CHD1L: variants seen among roughly 807,000 people sequenced by gnomAD.
The protein encoded by CHD1L is ATP-dependent chromatin remodeler CHD1L.
A neutral mutation model predicts 115.9 loss-of-function variants in CHD1L; 118 were observed. The observed-to-expected ratio is 1.02, with a 90% CI of 0.88 to 1.19. The LOEUF is 1.19. CHD1L is among the 50% of genes most tolerant of loss of function. The pLI, the probability that CHD1L is intolerant of heterozygous loss-of-function variation, is 0.00. For synonymous variants in CHD1L, 411 were observed against 387.1 expected (o/e 1.06, Z -0.72); for missense variants, 1,179 against 1,065.3 (o/e 1.11, Z -1.49).
chr1:147,278,114 C>T (rs1553959234), intron 14 of CHD1L, among the ~76,000 whole-genome samples: 1 of 152,068 alleles, frequency 6.6e-6, no homozygotes, highest in Non-Finnish European at 1.5e-5. Flanking sequence ...TTATCTCTTC[C>T]CCATGCAGAT....
chr1:147,190,367 A>G, the CHD1L span: 9 of 631,694 alleles, frequency 1.4e-5, no homozygotes, highest in Non-Finnish European at 2.2e-5. Flanking sequence ...TCCTGTACTC[A>G]AGGAGGTTAC....
chr1:147,220,924 T>C, the CHD1L span, among the ~76,000 whole-genome samples: 1 of 116,670 alleles, frequency 8.6e-6, no homozygotes, highest in Non-Finnish European at 1.7e-5. Context: ...TATAATAACA[T>C]AAAATGAGTT....
At chr1:147,288,507 C>T (rs887941769) in intron 19 of CHD1L, among the ~76,000 whole-genome samples, 5 of 151,692 alleles carry the variant, frequency 3.3e-5, no homozygotes, top group African/African-American at 4.8e-5. Context: ...ATGGCAAAGC[C>T]CTGTCTCTAC....
At chr1:147,188,038 A>T in the CHD1L span, among the ~76,000 whole-genome samples, 1 of 152,194 alleles carries the variant, frequency 6.6e-6, no homozygotes, top group African/African-American at 2.4e-5. Context: ...AATTTGAGGT[A>T]GAACTGGTGA....
In CHD1L at chr1:147,286,481, T is replaced by G; in HGVS notation, c.2202T>G (p.Ala734=). The change falls in exon 18 of 23, where the codon GCT becomes GCG. Residue 734 remains alanine, a synonymous_variant. Transcript: ENST00000369258. The part of the protein sequence containing the change: ...VTHPQAGAED[A]LIVHCVDDSG... ...ACCCTCAGGCTGGGGCCGAGGATGC[T>G]CTCATTGTGCACTGCGTAGGTACGA... 1 of 1,613,758 alleles carries G rather than the reference T, an allele frequency of 6.2e-7. No individual in the cohort carries two copies. Among genetic ancestry groups the G allele is most frequent in the Non-Finnish European group, 8.5e-7 (1 of 1,179,974 alleles).
At chr1:147,268,680 C>A in intron 9 of CHD1L, 102 bp from the exon 10 acceptor site, 1 of 824,338 alleles carries the variant, frequency 1.2e-6, no homozygotes, top group South Asian at 1.5e-5. Context: ...ATGCAAACAA[C>A]TACTTATATG....
At chr1:147,180,538 G>C in the CHD1L span, among the ~76,000 whole-genome samples, 4 of 152,142 alleles carry the variant, frequency 2.6e-5, no homozygotes, top group Admixed American at 2.6e-4. Context: ...TGATCCACCC[G>C]CCTTGGCCTC....
At chr1:147,282,233 TCTTTTCACTGGGCAA>T (rs1681186967) in intron 15 of CHD1L, among the ~76,000 whole-genome samples, 1 of 152,202 alleles carries the variant, frequency 6.6e-6, no homozygotes, top group African/African-American at 2.4e-5. Context: ...ATATTTGATG[TCTTTTCACTGGGCAA>T]CCCATTTTCT....
At chr1:147,184,809 T>C in the CHD1L span, among the ~76,000 whole-genome samples, 676 of 152,200 alleles carry the variant, frequency 4.4e-3, 6 homozygotes, top group African/African-American at 0.016. The surrounding 1 kb of genome is among the most constrained non-coding windows in gnomAD (Gnocchi z 4.4). Context: ...CCTTTCCATA[T>C]GTAATTTTTG....
the CHD1L span, chr1:147,187,202 CTA>C: frequency 6.2e-7 from 1 of 1,613,894 alleles, no homozygotes; most frequent in South Asian, 1.1e-5. Flanking sequence ...TCCATGGTAT[CTA>C]TGTAGTCTCC....
At chr1:147,189,978 T>G in the CHD1L span, among the ~76,000 whole-genome samples, 1 of 152,166 alleles carries the variant, frequency 6.6e-6, no homozygotes. Context: ...CACCTAAAAC[T>G]TTTCTCTCTT....
At chr1:147,265,072 C>A (rs1673348717) in intron 7 of CHD1L, among the ~76,000 whole-genome samples, 1 of 152,136 alleles carries the variant, frequency 6.6e-6, no homozygotes, top group Non-Finnish European at 1.5e-5. Flanking sequence ...GTTCTTGTAC[C>A]TTTGCCCCTC....
At chr1:147,245,294 A>G (rs1173822348) in intron 1 of CHD1L, among the ~76,000 whole-genome samples, 1 of 152,128 alleles carries the variant, frequency 6.6e-6, no homozygotes, top group East Asian at 1.9e-4. Flanking sequence ...AAGGACACAG[A>G]GGGGTTTGGA....
chr1:147,196,691 G>C, the CHD1L span, among the ~76,000 whole-genome samples: 2 of 151,986 alleles, frequency 1.3e-5, no homozygotes, highest in Non-Finnish European at 2.9e-5. Context: ...TTTTTGCAGT[G>C]TTTCCTTATT....
At chr1:147,264,283 C>T in intron 6 of CHD1L, 139 bp from the exon 7 acceptor site, 1 of 731,496 alleles carries the variant, frequency 1.4e-6, no homozygotes, top group Admixed American at 3.1e-5. Context: ...CAGCTTCAAC[C>T]TGAGCCATCT....
chr1:147,192,924 T>C, the CHD1L span, among the ~76,000 whole-genome samples: 1 of 152,172 alleles, frequency 6.6e-6, no homozygotes, highest in African/African-American at 2.4e-5. Flanking sequence ...CAGTATTTTA[T>C]TGAGGATTTT....
the CHD1L span, among the ~76,000 whole-genome samples, chr1:147,179,890 G>T: frequency 6.6e-6 from 1 of 150,640 alleles, no homozygotes; most frequent in African/African-American, 2.5e-5. Context: ...TGAGTTGGGG[G>T]TATTTTCTAA....
chr1:147,260,340 A>G (rs1306828704), intron 6 of CHD1L: 1 of 154,066 alleles, frequency 6.5e-6, no homozygotes, highest in African/African-American at 2.4e-5. Flanking sequence ...CTCCCTTTAA[A>G]AAATACTAGT....
the CHD1L span, among the ~76,000 whole-genome samples, chr1:147,181,371 G>A: frequency 6.6e-6 from 1 of 152,160 alleles, no homozygotes; most frequent in Admixed American, 6.5e-5. Context: ...ATTCTGATAT[G>A]TGCTAAGCAG....
Sources: gnomAD v4.1 joint callset for allele counts (sites outside exome capture counted in the v4.1 genomes callset) on GRCh38, gnomAD v4.1.1 for gene constraint, Gnocchi (gnomAD v3.1) non-coding constraint, MANE v1.5 for transcripts, NCBI Gene and HGNC (gene_info 2026-07-23, HGNC 2026-07-21) for gene names.